Variants in DNER observed in about 807,000 individuals in gnomAD.
The protein encoded by DNER is delta and Notch-like epidermal growth factor-related receptor.
In DNER, 33 loss-of-function variants were observed where a neutral mutation model predicts 78.2. That is an observed-to-expected ratio of 0.42 (90% CI 0.32 to 0.56). The LOEUF (loss-of-function observed/expected upper bound fraction) is 0.56, where lower values mean the gene tolerates loss of function less well. Among genes scored for constraint, DNER ranks in the 20% least tolerant of loss-of-function variants. The probability of loss-of-function intolerance (pLI) is 0.11; values close to 1 mark genes in which losing one functional copy is unlikely to be tolerated. For missense variants in DNER, 918 were observed against 975.3 expected (o/e 0.94, Z 0.78); for synonymous variants, 417 against 384.8 (o/e 1.08, Z -0.98).
chr2:229,501,442 AT>A (rs1030841281), intron 6 of DNER, among the ~76,000 whole-genome samples: 4 of 152,038 alleles, frequency 2.6e-5, no homozygotes, highest in East Asian at 3.9e-4. Context: ...TAAAAAAAAA[AT>A]TTTGTACTGA....
chr2:229,525,268 A>G (rs984040806), intron 5 of DNER, among the ~76,000 whole-genome samples: 2 of 152,164 alleles, frequency 1.3e-5, no homozygotes, highest in African/African-American at 2.4e-5. Flanking sequence ...TCCTCTTAGT[A>G]GGTTATTTTA....
chr2:229,671,147 G>A (rs568947341), intron 1 of DNER, among the ~76,000 whole-genome samples: 4 of 152,320 alleles, frequency 2.6e-5, no homozygotes, highest in African/African-American at 9.6e-5. Flanking sequence ...AGCGGTTCCT[G>A]TATCTGGCAC....
At chr2:229,406,550 A>G (rs550335506) in intron 10 of DNER, among the ~76,000 whole-genome samples, 2 of 152,338 alleles carry the variant, frequency 1.3e-5, no homozygotes, top group East Asian at 3.9e-4. Context: ...AATCAATAAC[A>G]AATGTTTTCT....
chr2:229,700,696 T>C (rs532702776), intron 1 of DNER, among the ~76,000 whole-genome samples: 1 of 151,330 alleles, frequency 6.6e-6, no homozygotes, highest in African/African-American at 2.4e-5. Flanking sequence ...GGGCAGATCA[T>C]GAGGTCAGGA....
chr2:229,372,147 G>A (rs919642624), intron 11 of DNER, among the ~76,000 whole-genome samples: 5 of 152,244 alleles, frequency 3.3e-5, no homozygotes, highest in Admixed American at 6.5e-5. Flanking sequence ...GCACAGTGCT[G>A]AGTGACAGGG....
chr2:229,383,138 C>G (rs1219545630), intron 11 of DNER, among the ~76,000 whole-genome samples: 1 of 152,144 alleles, frequency 6.6e-6, no homozygotes, highest in African/African-American at 2.4e-5. Flanking sequence ...ATTTTCAACC[C>G]AGAATTTCAT....
chr2:229,648,013 A>G (rs1415311041), intron 1 of DNER, among the ~76,000 whole-genome samples: 1 of 152,228 alleles, frequency 6.6e-6, no homozygotes, highest in African/African-American at 2.4e-5. Flanking sequence ...CAACTAAAGA[A>G]ATAGGAATAT....
At chr2:229,482,343 G>A (rs574425054) in intron 6 of DNER, among the ~76,000 whole-genome samples, 2 of 152,294 alleles carry the variant, frequency 1.3e-5, no homozygotes, top group African/African-American at 4.8e-5. Flanking sequence ...CATACGAATA[G>A]CCAAAGAGAT....
intron 4 of DNER, among the ~76,000 whole-genome samples, chr2:229,560,731 G>C (rs904973691): frequency 6.6e-6 from 1 of 152,124 alleles, no homozygotes; most frequent in Admixed American, 6.6e-5. Flanking sequence ...AAAATTGCTC[G>C]ATGCTGAGAG....
chr2:229,368,549 A>T lies in DNER; in HGVS notation c.1856-1430T>A, dbSNP rs139965869. Reference sequence around the variant, plus strand: ...GAATAAAAGCATGTTACCAAACAGGATCTACTTGGACAGTACAATAATTTC... The same window carrying T: ...GAATAAAAGCATGTTACCAAACAGGTTCTACTTGGACAGTACAATAATTTC... On this transcript the variant is annotated intron_variant, in intron 11 of 12. Transcript: ENST00000341772. Among the ~76,000 whole-genome samples the T allele has an allele frequency of 9.8e-3, 1,491 of 152,350 alleles. 16 individuals are homozygous for T. The highest frequency in any genetic ancestry group is 0.015 in the Non-Finnish European group (1,038 of 68,036).
chr2:229,519,658 C>T (rs568766921), intron 5 of DNER, among the ~76,000 whole-genome samples: 39 of 152,198 alleles, frequency 2.6e-4, no homozygotes, highest in African/African-American at 8.4e-4. Context: ...TCATTCACAG[C>T]GGCATACAGT....
intron 8 of DNER, among the ~76,000 whole-genome samples, chr2:229,430,476 T>A (rs2106354766): frequency 6.6e-6 from 1 of 152,226 alleles, no homozygotes; most frequent in East Asian, 1.9e-4. Flanking sequence ...GCTGCTAGCA[T>A]GACTAGAATA....
intron 8 of DNER, among the ~76,000 whole-genome samples, chr2:229,433,803 T>C (rs189184843): frequency 2.3e-4 from 35 of 152,336 alleles, no homozygotes; most frequent in Admixed American, 5.9e-4. Context: ...AGATTAAGTG[T>C]GTTTCAAATT....
At chr2:229,674,151 G>A (rs1314483058) in intron 1 of DNER, among the ~76,000 whole-genome samples, 3 of 152,214 alleles carry the variant, frequency 2.0e-5, no homozygotes, top group Admixed American at 2.0e-4. Flanking sequence ...GTACTTCAGG[G>A]TCCCTGGTTG....
intron 1 of DNER, among the ~76,000 whole-genome samples, chr2:229,674,342 G>A (rs577779826): frequency 1.2e-4 from 19 of 152,278 alleles, no homozygotes; most frequent in East Asian, 3.9e-4. Context: ...GCAGTGATGC[G>A]ATCTCGGCTT....
chr2:229,419,104 T>G (rs533992325), intron 8 of DNER, among the ~76,000 whole-genome samples: 5 of 152,282 alleles, frequency 3.3e-5, no homozygotes, highest in African/African-American at 1.2e-4. Flanking sequence ...TTATAATATT[T>G]TAAATTGTAC....
chr2:229,439,603 C>A (rs564297980), intron 8 of DNER, among the ~76,000 whole-genome samples: 14 of 152,314 alleles, frequency 9.2e-5, no homozygotes, highest in Admixed American at 3.9e-4. Flanking sequence ...AATCCAGATT[C>A]ACAGACATTC....
chr2:229,591,845 T>G lies in DNER; in HGVS notation c.320A>C (p.Asn107Thr). The G allele has an allele frequency of 6.2e-7, 1 of 1,609,844 alleles. No homozygotes were observed. The highest frequency in any genetic ancestry group is 8.5e-7 in the Non-Finnish European group (1 of 1,177,840). Residue 107 changes from asparagine to threonine, a missense_variant, in exon 2 of 13, where the codon AAC becomes ACC. By Grantham distance (65) the Asn-to-Thr change is moderately conservative (BLOSUM62 0). Coordinates refer to ENST00000341772, the MANE Select transcript of DNER (RefSeq NM_139072.4). The surrounding 1 kb of genome is among the most constrained non-coding windows in gnomAD (Gnocchi z 4.6). ...PCASNPCHHG[N>T]CSSSSSSSSD... ...GCTGCTGCTGCTGCTGCTGCTGCAG[T>G]TGCCATGGTGACAAGGGTTGCTGGC...
chr2:229,626,040 C>T (rs1698337387), intron 1 of DNER, among the ~76,000 whole-genome samples: 1 of 152,156 alleles, frequency 6.6e-6, no homozygotes, highest in Non-Finnish European at 1.5e-5. Flanking sequence ...CTGCCTCAGC[C>T]TCCTGAGTAG....
Sources: gnomAD v4.1 joint callset for allele counts (sites outside exome capture counted in the v4.1 genomes callset) on GRCh38, gnomAD v4.1.1 for gene constraint, Gnocchi (gnomAD v3.1) non-coding constraint, MANE v1.5 for transcripts, NCBI Gene and HGNC (gene_info 2026-07-23, HGNC 2026-07-21) for gene names.